Variants in FRAS1 observed in about 807,000 individuals in gnomAD.
The protein encoded by FRAS1 is extracellular matrix organizing protein FRAS1.
FRAS1 carries 290 observed loss-of-function variants against 435.2 expected under a neutral mutation model. The ratio of observed to expected loss-of-function variants is 0.67; its 90% CI spans 0.61 to 0.73. The LOEUF (loss-of-function observed/expected upper bound fraction) is 0.73. FRAS1 is among the 30% of genes least tolerant of loss of function. FRAS1 has a pLI of 0.00. For synonymous variants in FRAS1, 1,800 were observed against 1,851.0 expected, an observed-to-expected ratio of 0.97 and a Z score of 0.71; for missense variants, 4,860 against 5,001.5, an observed-to-expected ratio of 0.97 and a Z score of 0.85.
chr4:78,438,966 G>A lies in FRAS1; in HGVS notation c.5431G>A (p.Asp1811Asn), dbSNP rs749013413. 6 of 1,613,216 alleles carry A rather than the reference G, an allele frequency of 3.7e-6. No homozygotes were observed. The highest frequency in any genetic ancestry group is 4.2e-6 in the Non-Finnish European group (5 of 1,179,582). The change falls in exon 40 of 74, where the codon GAC (aspartate) becomes AAC (asparagine). Residue 1811 changes from aspartate to asparagine, a missense_variant. Physicochemically the swap from Asp to Asn is conservative, Grantham distance 23 (BLOSUM62 1). Transcript: ENST00000512123. ...VTDSFYFSVS[D>N]MDHNHLDNQI... ...TGATAGCTTCTATTTCTCTGTCTCT[G>A]ACATGGACCACAACCATCTGGATAA...
chr4:78,134,128 T>G (rs1019575620), intron 2 of FRAS1, among the ~76,000 whole-genome samples: 1 of 151,934 alleles, frequency 6.6e-6, no homozygotes, highest in Non-Finnish European at 1.5e-5. Context: ...CTGGCTAATT[T>G]TTTTGTATTT....
chr4:78,415,351 C>T (rs921334868), intron 32 of FRAS1, among the ~76,000 whole-genome samples: 4 of 151,852 alleles, frequency 2.6e-5, no homozygotes, highest in African/African-American at 7.3e-5. Flanking sequence ...ATCTGTTCCC[C>T]CCAAAAATCT....
At chr4:78,169,621 A>G (rs1211763583) in intron 2 of FRAS1, among the ~76,000 whole-genome samples, 1 of 152,110 alleles carries the variant, frequency 6.6e-6, no homozygotes, top group Admixed American at 6.5e-5. Context: ...AAGCCCTCAA[A>G]TGGATGAGAT....
intron 2 of FRAS1, chr4:78,181,592 G>A (rs189435970): frequency 9.3e-6 from 15 of 1,611,424 alleles, no homozygotes; most frequent in Middle Eastern, 4.5e-4. Flanking sequence ...TCTATCAACT[G>A]AAAATTAGCC....
chr4:78,400,433 G>C (rs1344246979), intron 29 of FRAS1, among the ~76,000 whole-genome samples: 1 of 152,140 alleles, frequency 6.6e-6, no homozygotes, highest in Non-Finnish European at 1.5e-5. Context: ...TGGGTGGAGA[G>C]GATAGAAAGA....
chr4:78,067,910 G>T (rs527958534), intron 2 of FRAS1, among the ~76,000 whole-genome samples: 5 of 148,898 alleles, frequency 3.4e-5, no homozygotes, highest in African/African-American at 1.2e-4. Flanking sequence ...TGGCATGTTG[G>T]CCAGGCTGGT....
At chr4:78,364,309 T>G (rs1392256720) in intron 22 of FRAS1, among the ~76,000 whole-genome samples, 1 of 152,212 alleles carries the variant, frequency 6.6e-6, no homozygotes, top group African/African-American at 2.4e-5. Flanking sequence ...TTGGGCAGGT[T>G]ATTTAACTTC....
At chr4:78,152,607 CTTTTTTT>C (rs71214398) in intron 2 of FRAS1, among the ~76,000 whole-genome samples, 16 of 72,412 alleles carry the variant, frequency 2.2e-4, no homozygotes, top group African/African-American at 3.8e-4. Flanking sequence ...ATGTAGGCTG[CTTTTTTT>C]TTTTTTTTTT....
In FRAS1 at chr4:78,489,060, A is replaced by G. The variant is rs1403051595; in HGVS notation, c.8938A>G (p.Thr2980Ala). Residue 2980 changes from threonine (T) to alanine (A), a missense_variant, in exon 59 of 74, where the codon ACA becomes GCA. Physicochemically the swap from Thr to Ala is moderately conservative, Grantham distance 58 (BLOSUM62 0). Transcript: ENST00000512123. ...ERQNADSSRI[T>A]FLKGDKVKNC... ...ACAAAATGCAGACTCTTCACGGATT[A>G]CATTTCTCAAAGGGGACAAAGTAAG... The G allele has an allele frequency of 6.2e-7, 1 of 1,613,128 alleles. No individual in the cohort carries two copies. The highest frequency in any genetic ancestry group is 8.5e-7 in the Non-Finnish European group (1 of 1,179,644).
At chr4:78,333,525 A>C in intron 19 of FRAS1, 113 bp downstream of exon 19, 1 of 1,142,522 alleles carries the variant, frequency 8.8e-7, no homozygotes, top group Non-Finnish European at 1.2e-6. Flanking sequence ...ATTCAGCTGT[A>C]AATCCTTGTC....
At chr4:78,314,956 A>G (rs770574383) in intron 15 of FRAS1, among the ~76,000 whole-genome samples, 14 of 151,966 alleles carry the variant, frequency 9.2e-5, no homozygotes, top group Non-Finnish European at 1.3e-4. Context: ...CTTTTCCTGT[A>G]TTAGACTACT....
At chr4:78,442,422 A>G (rs1734696304) in intron 41 of FRAS1, among the ~76,000 whole-genome samples, 1 of 152,264 alleles carries the variant, frequency 6.6e-6, no homozygotes, top group Admixed American at 6.5e-5. Context: ...CTGGGAAGGC[A>G]GAAAAGTCTG....
chr4:78,242,713 G>T (rs1025260453), intron 3 of FRAS1, among the ~76,000 whole-genome samples: 4 of 152,216 alleles, frequency 2.6e-5, no homozygotes, highest in African/African-American at 9.6e-5. Flanking sequence ...TGGGATTATA[G>T]GTGTGAGCCA....
intron 2 of FRAS1, among the ~76,000 whole-genome samples, chr4:78,197,775 A>G (rs1455346573): frequency 1.3e-5 from 2 of 152,178 alleles, no homozygotes; most frequent in East Asian, 3.9e-4. Context: ...CCCCATCTCT[A>G]CTAAAAATAC....
chr4:78,356,295 G>A (rs747011134), intron 20 of FRAS1, among the ~76,000 whole-genome samples: 1 of 151,978 alleles, frequency 6.6e-6, no homozygotes, highest in East Asian at 1.9e-4. Context: ...GACCTTTTTC[G>A]TGGGCCTTCA....
At chr4:78,387,776 A>G (rs935446960) in intron 29 of FRAS1, 75 bp downstream of exon 29, 2 of 1,022,168 alleles carry the variant, frequency 2.0e-6, no homozygotes, top group African/African-American at 3.2e-5. Context: ...ATTTTATGAT[A>G]CTCACAAAGT....
At chr4:78,449,972 C>T (rs1410494981) in intron 44 of FRAS1, among the ~76,000 whole-genome samples, 179 bp from the exon 45 acceptor site, 3 of 149,664 alleles carry the variant, frequency 2.0e-5, no homozygotes, top group South Asian at 2.1e-4. Context: ...ATTGAAATGT[C>T]GGTACTCTTT....
chr4:78,136,975 G>A (rs1386801616), intron 2 of FRAS1, among the ~76,000 whole-genome samples: 1 of 152,116 alleles, frequency 6.6e-6, no homozygotes, highest in Non-Finnish European at 1.5e-5. Context: ...TCACAGTGGA[G>A]TGGGCACCAG....
At chr4:78,321,458 A>G (rs1035462937) in intron 18 of FRAS1, among the ~76,000 whole-genome samples, 1 of 152,196 alleles carries the variant, frequency 6.6e-6, no homozygotes, top group Non-Finnish European at 1.5e-5. Flanking sequence ...ACAGCATACT[A>G]ATGCTTCAGG....
Sources: gnomAD v4.1 joint callset for allele counts (sites outside exome capture counted in the v4.1 genomes callset) on GRCh38, gnomAD v4.1.1 for gene constraint, MANE v1.5 for transcripts, NCBI Gene and HGNC (gene_info 2026-07-23, HGNC 2026-07-21) for gene names.